Variants in NRXN3 observed in about 807,000 individuals in gnomAD.
The protein encoded by NRXN3 is neurexin III.
Under a neutral mutation model 137.6 loss-of-function variants are expected in NRXN3, and 32 were observed. That is an observed-to-expected ratio of 0.23 (90% CI 0.18 to 0.31). The LOEUF (loss-of-function observed/expected upper bound fraction) is 0.31. Among genes scored for constraint, NRXN3 ranks in the 10% least tolerant of loss-of-function variants. NRXN3 has a pLI of 1.00. For synonymous variants in NRXN3, 798 were observed against 784.5 expected (o/e 1.02, Z -0.29); for missense variants, 1,574 against 2,062.5 (o/e 0.76, Z 4.59).
chr14:78,812,537 G>A (rs958706021), intron 10 of NRXN3, among the ~76,000 whole-genome samples: 8 of 152,166 alleles, frequency 5.3e-5, no homozygotes. Context: ...ACTTTCTCAT[G>A]AAGTCAATCC....
rs550561016 is a variant in NRXN3 at position 79,185,640 on chromosome 14, T to C, written c.3262+197499T>C. Reference sequence around the variant, plus strand: ...GCCACCACGCCCGGCTAATTTTTTGTATTTTTAGTAGAGACAGGGTTTCAC... The same window carrying C: ...GCCACCACGCCCGGCTAATTTTTTGCATTTTTAGTAGAGACAGGGTTTCAC... On this transcript the variant is annotated intron_variant, in intron 15 of 20. Coordinates refer to ENST00000335750, the MANE Select transcript of NRXN3 (RefSeq NM_001330195.2). 2.7e-3 allele frequency among the ~76,000 whole-genome samples: 415 copies of C among 152,124 alleles called. 2 individuals are homozygous for C. The highest frequency in any genetic ancestry group is 4.3e-3 in the Non-Finnish European group (289 of 67,968).
At chr14:79,637,928 A>G (rs2098414090) in intron 16 of NRXN3, among the ~76,000 whole-genome samples, 1 of 134,784 alleles carries the variant, frequency 7.4e-6, no homozygotes, top group Non-Finnish European at 1.6e-5. Context: ...TGGGTTTTCA[A>G]CATGTTAGCC....
chr14:79,193,239 T>C (rs1235407957), intron 15 of NRXN3, among the ~76,000 whole-genome samples: 1 of 152,156 alleles, frequency 6.6e-6, no homozygotes, highest in Non-Finnish European at 1.5e-5. Flanking sequence ...TAAAGGAATA[T>C]AAATTAAAGA....
chr14:79,420,116 G>C (rs550890213), intron 15 of NRXN3, among the ~76,000 whole-genome samples: 1 of 152,220 alleles, frequency 6.6e-6, no homozygotes, highest in South Asian at 2.1e-4. Context: ...GTAGTAGTAG[G>C]AACTGAGAAT....
intron 15 of NRXN3, among the ~76,000 whole-genome samples, chr14:79,139,946 C>A (rs1277528576): frequency 6.7e-6 from 1 of 148,326 alleles, no homozygotes; most frequent in Non-Finnish European, 1.5e-5. Context: ...GGCATATATA[C>A]ATATATATGA....
chr14:79,343,222 G>T (rs1186043768), intron 15 of NRXN3, among the ~76,000 whole-genome samples: 2 of 152,138 alleles, frequency 1.3e-5, no homozygotes, highest in African/African-American at 4.8e-5. Context: ...TCATCTTGTG[G>T]CTAATGTTTG....
chr14:78,456,801 CTT>C (rs879517350), intron 4 of NRXN3, among the ~76,000 whole-genome samples: 1,085 of 84,178 alleles, frequency 0.013, 10 homozygotes, highest in Non-Finnish European at 0.019. Context: ...CTCTTTCTCT[CTT>C]TCTTTCTTTC....
At chr14:78,967,184 G>GTTTTTTTTTTTTTTTTTTTTTTT in intron 12 of NRXN3, 24 bp from the exon 13 acceptor site, 4 of 1,421,226 alleles carry the variant, frequency 2.8e-6, no homozygotes, top group Non-Finnish European at 1.9e-6. Context: ...TCCAATTATT[G>GTTTTTTTTTTTTTTTTTTTTTTT]TTTTTTTTTT....
At chr14:79,590,245 G>C (rs572445607) in intron 16 of NRXN3, among the ~76,000 whole-genome samples, 1 of 151,984 alleles carries the variant, frequency 6.6e-6, no homozygotes, top group South Asian at 2.1e-4. Context: ...TATTGAATAA[G>C]TCTCAGAAAG....
chr14:79,286,913 A>G (rs374501734), intron 15 of NRXN3, among the ~76,000 whole-genome samples: 1 of 152,190 alleles, frequency 6.6e-6, no homozygotes, highest in East Asian at 1.9e-4. Flanking sequence ...AGTTAACCAT[A>G]CTTATATCAC....
chr14:78,390,638 C>T (rs577128731), intron 4 of NRXN3, among the ~76,000 whole-genome samples: 2 of 152,108 alleles, frequency 1.3e-5, no homozygotes, highest in South Asian at 2.1e-4. Context: ...GTGTTTCTTC[C>T]GAGTCTAACT....
At chr14:79,399,934 C>T (rs929943829) in intron 15 of NRXN3, among the ~76,000 whole-genome samples, 2 of 152,128 alleles carry the variant, frequency 1.3e-5, no homozygotes, top group Non-Finnish European at 2.9e-5. Flanking sequence ...TGGCTTTTAG[C>T]AGCGTCACTC....
intron 4 of NRXN3, among the ~76,000 whole-genome samples, chr14:78,315,031 A>G (rs1363881551): frequency 1.5e-5 from 2 of 135,560 alleles, no homozygotes; most frequent in Non-Finnish European, 3.1e-5. Flanking sequence ...TTTTTTTTTG[A>G]GACAGGGTCT....
At chr14:79,461,057 C>T (rs1317199676) in intron 15 of NRXN3, among the ~76,000 whole-genome samples, 1 of 152,004 alleles carries the variant, frequency 6.6e-6, no homozygotes, top group East Asian at 1.9e-4. Flanking sequence ...TATCATTTAC[C>T]CTGTACTCCC....
chr14:78,870,960 C>T (rs1040842271), intron 10 of NRXN3, among the ~76,000 whole-genome samples: 1 of 150,936 alleles, frequency 6.6e-6, no homozygotes, highest in Non-Finnish European at 1.5e-5. Flanking sequence ...ATCCATTCAT[C>T]TACTGATGGA....
chr14:78,576,830 C>A (rs899142489), intron 4 of NRXN3, among the ~76,000 whole-genome samples: 1 of 152,142 alleles, frequency 6.6e-6, no homozygotes, highest in African/African-American at 2.4e-5. Context: ...TCAAAAGACA[C>A]CCTTGTTTCA....
intron 8 of NRXN3, among the ~76,000 whole-genome samples, chr14:78,761,796 G>A (rs146272636): frequency 1.0e-3 from 155 of 152,260 alleles, no homozygotes; most frequent in African/African-American, 3.2e-3. Context: ...ATATCTGTAC[G>A]TAAACATATT....
At chr14:78,424,035 T>G (rs1432759098) in intron 4 of NRXN3, among the ~76,000 whole-genome samples, 4 of 152,038 alleles carry the variant, frequency 2.6e-5, no homozygotes, top group Non-Finnish European at 4.4e-5. Flanking sequence ...TTAGCGGGGG[T>G]TCTTGACCAA....
chr14:79,314,470 C>T (rs1181076658), intron 15 of NRXN3, among the ~76,000 whole-genome samples: 2 of 27,220 alleles, frequency 7.3e-5, no homozygotes, highest in African/African-American at 1.5e-4. Flanking sequence ...AACTGCAAGG[C>T]GGCAACGAGG....
Sources: allele counts gnomAD v4.1 joint callset (sites outside exome capture counted in the v4.1 genomes callset), GRCh38; gene constraint gnomAD v4.1.1; transcripts MANE v1.5; gene names NCBI Gene and HGNC (gene_info 2026-07-23, HGNC 2026-07-21).